PCDHGA5: variants seen among roughly 807,000 people sequenced by gnomAD.
The protein encoded by PCDHGA5 is protocadherin gamma subfamily A, 5.
PCDHGA5 carries 36 observed loss-of-function variants against 56.7 expected under a neutral mutation model. That is an observed-to-expected ratio of 0.64 (90% CI 0.49 to 0.84). The LOEUF is 0.84. PCDHGA5 is among the 40% of genes least tolerant of loss of function. The pLI is 0.00. For missense variants in PCDHGA5, 1,305 were observed against 1,201.5 expected (o/e 1.09, Z -1.27); for synonymous variants, 563 against 520.2 (o/e 1.08, Z -1.12).
chr5:141,371,035 C>T (rs1277378735), intron 1 of PCDHGA5: 1 of 1,614,000 alleles, frequency 6.2e-7, no homozygotes, highest in Non-Finnish European at 8.5e-7. Context: ...GTCCTCACAG[C>T]TGTGGATGGG....
chr5:141,494,897 C>T (rs1194879883), intron 2 of PCDHGA5, 32 bp downstream of exon 2: 2 of 1,614,122 alleles, frequency 1.2e-6, no homozygotes, highest in South Asian at 2.2e-5. Flanking sequence ...CCACCCTCTT[C>T]TCTGCGGCAT....
rs780541121 is a variant in PCDHGA5 at position 141,477,533 on chromosome 5, G to T, written c.2422-17274G>T. ...TTACATTGAAGAAAACAACCTCCCCGGGGCTCCAATACTAAACCTAAGTGT... is the reference window on the plus strand; with the variant it reads ...TTACATTGAAGAAAACAACCTCCCCTGGGCTCCAATACTAAACCTAAGTGT... On this transcript the variant is annotated intron_variant, in intron 1 of 3. Coordinates refer to ENST00000518069, the MANE Select transcript of PCDHGA5 (RefSeq NM_018918.3). This position sits in a 1 kb window ranked among gnomAD's most constrained non-coding sequence, Gnocchi z 4.9. 6.2e-7 allele frequency: 1 copy of T among 1,614,010 alleles called. No homozygotes were observed. The highest frequency in any genetic ancestry group is 1.1e-5 in the South Asian group (1 of 91,066).
chr5:141,502,866 CTTTT>C (rs549047197), intron 2 of PCDHGA5, among the ~76,000 whole-genome samples: 1 of 128,042 alleles, frequency 7.8e-6, no homozygotes. Context: ...GACTCTCTGT[CTTTT>C]TTTTTTTTTT....
At chr5:141,426,680 T>TC in intron 1 of PCDHGA5, 1 of 431,452 alleles carries the variant, frequency 2.3e-6, no homozygotes, top group South Asian at 1.6e-5. Context: ...CACCTCATTT[T>TC]CCCCAAAATA....
chr5:141,489,257 T>C lies in PCDHGA5; in HGVS notation c.2422-5550T>C, dbSNP rs2099684606. 5.8e-6 allele frequency: 9 copies of C among 1,550,190 alleles called. No homozygotes were observed. The highest frequency in any genetic ancestry group is 1.4e-5 in the African/African-American group (1 of 73,054). On this transcript the variant is annotated intron_variant, in intron 1 of 3. Transcript: ENST00000518069. This position sits in a 1 kb window ranked among gnomAD's most constrained non-coding sequence, Gnocchi z 4.5. Reference sequence around the variant, plus strand: ...TTCTGGGTCATGGGGCCCAAGACACTCCCACAGCTCGCTGGGAAATGGCAA... The same window carrying C: ...TTCTGGGTCATGGGGCCCAAGACACCCCCACAGCTCGCTGGGAAATGGCAA...
chr5:141,491,980 C>T lies in PCDHGA5; in HGVS notation c.2422-2827C>T. ...AAAAAAGGCCGGGGCCTCCTTCGAG[C>T]TTCCGGTGAATTTCGGGCGATTTCC... On this transcript the variant is annotated intron_variant, in intron 1 of 3. Transcript: ENST00000518069. The surrounding 1 kb of genome is among the most constrained non-coding windows in gnomAD (Gnocchi z 6.9). The T allele has an allele frequency of 2.5e-6, 2 of 784,432 alleles. No individual in the cohort carries two copies. The highest frequency in any genetic ancestry group is 3.8e-6 in the Non-Finnish European group (2 of 530,588). 48.6% of individuals were successfully genotyped at this position (784,432 alleles called of 1,614,324 possible). A position where few individuals can be genotyped will look rare whatever the true frequency, so the allele number is the denominator to read the frequency against.
Position 141,486,650 on chromosome 5 carries a change from T to C in PCDHGA5, c.2422-8157T>C, listed in dbSNP as rs1321605826. On this transcript the variant is annotated intron_variant, in intron 1 of 3. Coordinates refer to ENST00000518069, the MANE Select transcript of PCDHGA5 (RefSeq NM_018918.3). The surrounding 1 kb of genome is among the most constrained non-coding windows in gnomAD (Gnocchi z 5.0). ...TGGCTTGAATGCGCTTATCTCCTAC[T>C]CACTCCTGGAGCCCAGGAATCGAGA... is the stretch of plus-strand genomic sequence containing the variant. The C allele has an allele frequency of 6.2e-7, 1 of 1,613,834 alleles. No individual in the cohort carries two copies. Among genetic ancestry groups the C allele is most frequent in the African/African-American group, 1.3e-5 (1 of 74,938 alleles).
chr5:141,398,753 G>A (rs141932976), intron 1 of PCDHGA5: 3 of 1,613,452 alleles, frequency 1.9e-6, no homozygotes, highest in East Asian at 2.2e-5. Flanking sequence ...AGTTACCATC[G>A]TTTAGTCCTG....
chr5:141,375,109 T>G (rs199796645), intron 1 of PCDHGA5: 1 of 1,613,952 alleles, frequency 6.2e-7, no homozygotes, highest in Middle Eastern at 1.6e-4. Flanking sequence ...ATGTCAATGA[T>G]AATGTACCAG....
chr5:141,392,791 G>T, intron 1 of PCDHGA5: 1 of 1,557,836 alleles, frequency 6.4e-7, no homozygotes, highest in Non-Finnish European at 8.7e-7. Flanking sequence ...AAGATTCTGA[G>T]AGGATTCTGC....
At chr5:141,434,331 T>C (rs1271938024) in intron 1 of PCDHGA5, among the ~76,000 whole-genome samples, 3 of 152,186 alleles carry the variant, frequency 2.0e-5, no homozygotes, top group Non-Finnish European at 4.4e-5. Context: ...GCTTGTCTCT[T>C]TGTGTCGGGA....
intron 1 of PCDHGA5, among the ~76,000 whole-genome samples, chr5:141,425,605 A>G (rs1229246680): frequency 6.6e-6 from 1 of 152,230 alleles, no homozygotes; most frequent in Non-Finnish European, 1.5e-5. Context: ...TGCCCTATAT[A>G]GCTTTCAGTG....
rs1764534294 is a variant in PCDHGA5 at position 141,366,395 on chromosome 5, C to T, written c.2065C>T (p.Leu689Phe). The change falls in exon 1 of 4, where the codon CTC becomes TTC. Residue 689 changes from leucine (L) to phenylalanine (F), a missense_variant. Transcript: ENST00000518069. ...KTPIDPEDLD[L>F]TLYLVVAVAA... The stretch of plus-strand genomic sequence containing the variant: ...CCCCATTGACCCTGAGGATCTGGAC[C>T]TCACACTCTATCTTGTGGTGGCAGT... The T allele has an allele frequency of 6.2e-7, 1 of 1,614,178 alleles. No individual in the cohort carries two copies. Among genetic ancestry groups the T allele is most frequent in the African/African-American group, 1.3e-5 (1 of 75,070 alleles).
At chr5:141,394,282 C>G (rs375429182) in intron 1 of PCDHGA5, 11 of 1,613,864 alleles carry the variant, frequency 6.8e-6, no homozygotes, top group Non-Finnish European at 8.5e-6. Flanking sequence ...GTCACTTACT[C>G]TGTGACCGAG....
At position 141,508,670 on chromosome 5, in the gene PCDHGA5, C is replaced by A. The variant is rs184838473; in HGVS notation, c.2570-2277C>A. The stretch of plus-strand genomic sequence containing the variant: ...GGCCCTTCCTGTCATTCTGTCTCTG[C>A]CTCCCTTCTCCCTGCTTCTCCGTGT... On this transcript the variant is annotated intron_variant, in intron 3 of 3. Coordinates refer to ENST00000518069, the MANE Select transcript of PCDHGA5 (RefSeq NM_018918.3). Among the ~76,000 whole-genome samples the A allele has an allele frequency of 3.7e-3, 564 of 152,202 alleles. 5 individuals are homozygous for A. The highest frequency in any genetic ancestry group is 0.011 in the Admixed American group (164 of 15,294).
At position 141,403,226 on chromosome 5, in the gene PCDHGA5, CG is replaced by C. The variant is rs539681713; in HGVS notation, c.2421+36478del. On this transcript the variant is annotated intron_variant, in intron 1 of 3. Transcript: ENST00000518069. Reference sequence around the variant, plus strand: ...CTTGGTCACCGCGGGTAGGATAGACCGGGAGGAGCTCTGTGCTCAGAGCCCG... The same window carrying C: ...CTTGGTCACCGCGGGTAGGATAGACCGGAGGAGCTCTGTGCTCAGAGCCCG... 1.5e-3 allele frequency: 2,492 copies of C among 1,613,926 alleles called. 3 individuals are homozygous for C. The highest frequency in any genetic ancestry group is 1.8e-3 in the Non-Finnish European group (2,143 of 1,179,902).
chr5:141,503,164 C>G (rs1262310388), intron 2 of PCDHGA5, among the ~76,000 whole-genome samples: 2 of 152,068 alleles, frequency 1.3e-5, no homozygotes, highest in East Asian at 3.9e-4. Flanking sequence ...ATCACAATTG[C>G]AATTACTCTA....
chr5:141,476,190 C>T lies in PCDHGA5; in HGVS notation c.2422-18617C>T. On this transcript the variant is annotated intron_variant, in intron 1 of 3. Transcript: ENST00000518069. The surrounding 1 kb of genome is among the most constrained non-coding windows in gnomAD (Gnocchi z 7.6). ...GTGGGAGTTTTGCTTCTGCTTGGTG[C>T]CTTGAACAAGGCTTCCACGGTCATT... is the stretch of plus-strand genomic sequence containing the variant. 3.1e-6 allele frequency: 5 copies of T among 1,613,694 alleles called. No individual in the cohort carries two copies. The highest frequency in any genetic ancestry group is 4.2e-6 in the Non-Finnish European group (5 of 1,179,988).
At chr5:141,499,025 GAAGA>G (rs1309889371) in intron 2 of PCDHGA5, among the ~76,000 whole-genome samples, 11 of 140,712 alleles carry the variant, frequency 7.8e-5, no homozygotes, top group African/African-American at 2.6e-4. Flanking sequence ...AGGAAGGAAG[GAAGA>G]AAAGAAAGAA....
Sources: allele counts gnomAD v4.1 joint callset (sites outside exome capture counted in the v4.1 genomes callset), GRCh38; gene constraint gnomAD v4.1.1; non-coding constraint Gnocchi (gnomAD v3.1); transcripts MANE v1.5; gene names NCBI Gene and HGNC (gene_info 2026-07-23, HGNC 2026-07-21).